PTPRD: variants seen among roughly 807,000 people sequenced by gnomAD.
PTPRD encodes protein tyrosine phosphatase receptor type D, also known as receptor-type tyrosine-protein phosphatase delta.
In PTPRD, 34 loss-of-function variants were observed where a neutral mutation model predicts 214.5. That is an observed-to-expected ratio of 0.16 (90% CI 0.12 to 0.21). The LOEUF is 0.21. Ranked by LOEUF, PTPRD falls within the 10% of genes least tolerant of loss-of-function variation. PTPRD has a pLI of 1.00. For missense variants in PTPRD, 2,545 were observed against 2,398.7 expected, an observed-to-expected ratio of 1.06 and a Z score of -1.27; for synonymous variants, 1,128 against 845.7, an observed-to-expected ratio of 1.33 and a Z score of -5.79.
At chr9:10,092,293 A>G (rs927304755) in intron 3 of PTPRD, among the ~76,000 whole-genome samples, 1 of 150,868 alleles carries the variant, frequency 6.6e-6, no homozygotes, top group African/African-American at 2.4e-5. Context: ...TTATTCCTTA[A>G]TAAATTTTAG....
intron 44 of PTPRD, 139 bp downstream of exon 44, chr9:8,331,443 G>T (rs935516943): frequency 1.0e-6 from 1 of 985,292 alleles, no homozygotes; most frequent in Non-Finnish European, 1.4e-6. Context: ...AAAAGAAAGA[G>T]AAATCAATCC....
At chr9:8,681,473 T>C (rs1461737731) in intron 12 of PTPRD, among the ~76,000 whole-genome samples, 1 of 152,224 alleles carries the variant, frequency 6.6e-6, no homozygotes, top group East Asian at 1.9e-4. Context: ...GAGATAATTC[T>C]GTTATTCCCA....
At chr9:9,196,185 A>G (rs2099938505) in intron 9 of PTPRD, among the ~76,000 whole-genome samples, 1 of 152,174 alleles carries the variant, frequency 6.6e-6, no homozygotes, top group South Asian at 2.1e-4. Flanking sequence ...TGTGAAACTC[A>G]CACGATCCAA....
At chr9:8,965,211 C>A (rs545664996) in intron 11 of PTPRD, among the ~76,000 whole-genome samples, 1 of 152,052 alleles carries the variant, frequency 6.6e-6, no homozygotes, top group South Asian at 2.1e-4. Context: ...AACCCCTTCT[C>A]TACTAAAAGC....
At chr9:8,456,020 T>C (rs1323591) in intron 33 of PTPRD, among the ~76,000 whole-genome samples, 115,807 of 152,218 alleles carry the variant, frequency 0.76, 44,883 homozygotes, top group East Asian at 0.97. Flanking sequence ...GAGGATTTTA[T>C]TGCAACTCTT....
intron 3 of PTPRD, among the ~76,000 whole-genome samples, chr9:10,165,936 C>A (rs1438268631): frequency 1.3e-5 from 2 of 150,384 alleles, no homozygotes. Flanking sequence ...CAGACATAAT[C>A]TATGTTTTAT....
chr9:9,943,524 C>A (rs749732581), intron 4 of PTPRD, among the ~76,000 whole-genome samples: 2 of 152,088 alleles, frequency 1.3e-5, no homozygotes, highest in African/African-American at 2.4e-5. Context: ...CTTCATGGAA[C>A]ATATCTTCTA....
chr9:10,412,646 ACACAC>A, intron 2 of PTPRD, among the ~76,000 whole-genome samples: 1 of 150,340 alleles, frequency 6.7e-6, no homozygotes, highest in South Asian at 2.1e-4. Flanking sequence ...ACACACACAC[ACACAC>A]ACACACACAC....
intron 9 of PTPRD, among the ~76,000 whole-genome samples, chr9:9,335,693 C>G (rs990425119): frequency 2.0e-5 from 3 of 151,822 alleles, no homozygotes; most frequent in African/African-American, 4.8e-5. Flanking sequence ...TTTTTTATTC[C>G]TTTCTCATTC....
intron 3 of PTPRD, among the ~76,000 whole-genome samples, chr9:10,112,767 G>A (rs1436866267): frequency 6.6e-6 from 1 of 152,186 alleles, no homozygotes; most frequent in African/African-American, 2.4e-5. Flanking sequence ...TAGGAAGAAC[G>A]AGAACAATGA....
At chr9:8,576,535 G>A (rs1408801031) in intron 14 of PTPRD, among the ~76,000 whole-genome samples, 1 of 147,024 alleles carries the variant, frequency 6.8e-6, no homozygotes, top group African/African-American at 2.5e-5. Context: ...AATAATTAGA[G>A]TTATGTGTAG....
chr9:8,368,676 CTTTTT>C (rs199556434), intron 39 of PTPRD, among the ~76,000 whole-genome samples: 24 of 117,298 alleles, frequency 2.0e-4, no homozygotes, highest in Admixed American at 3.5e-4. Context: ...CCTTTTAATG[CTTTTT>C]TTTTTTTTTT....
At chr9:10,358,664 G>C (rs1054018128) in intron 2 of PTPRD, among the ~76,000 whole-genome samples, 5 of 151,786 alleles carry the variant, frequency 3.3e-5, no homozygotes, top group African/African-American at 1.2e-4. Flanking sequence ...TATTAGCTCA[G>C]TATACACCAT....
chr9:9,805,568 A>G (rs2099067836), intron 5 of PTPRD, among the ~76,000 whole-genome samples: 1 of 152,216 alleles, frequency 6.6e-6, no homozygotes, highest in South Asian at 2.1e-4. Flanking sequence ...TTGAATATTT[A>G]AAGCTTTTCT....
chr9:9,804,725 C>A (rs556145998), intron 5 of PTPRD, among the ~76,000 whole-genome samples: 3 of 151,872 alleles, frequency 2.0e-5, no homozygotes, highest in African/African-American at 4.8e-5. Flanking sequence ...AAGCTTACTT[C>A]TTTAGCATAC....
At chr9:9,842,298 A>ATTT (rs138386194) in intron 5 of PTPRD, among the ~76,000 whole-genome samples, 33,027 of 91,172 alleles carry the variant, frequency 0.36, 7,482 homozygotes, top group Non-Finnish European at 0.5. Context: ...GAAGGAGAGC[A>ATTT]TTTTTTTTTT....
At chr9:9,692,462 G>C (rs2486458) in intron 7 of PTPRD, among the ~76,000 whole-genome samples, 150,210 of 151,998 alleles carry the variant, frequency 0.99, 74,248 homozygotes, top group Middle Eastern at 1. Flanking sequence ...TTTCTGGGTT[G>C]TCTATTCTAT....
At chr9:9,746,395 A>C (rs1241879295) in intron 6 of PTPRD, among the ~76,000 whole-genome samples, 1 of 152,160 alleles carries the variant, frequency 6.6e-6, no homozygotes, top group Non-Finnish European at 1.5e-5. Context: ...AACATATCTA[A>C]AAATCTATCA....
At chr9:8,712,105 T>C (rs932626270) in intron 12 of PTPRD, among the ~76,000 whole-genome samples, 2 of 152,140 alleles carry the variant, frequency 1.3e-5, no homozygotes, top group Admixed American at 1.3e-4. Flanking sequence ...TTTTTTTAAA[T>C]CGACCAAGAA....
Sources: gnomAD v4.1 joint callset for allele counts (sites outside exome capture counted in the v4.1 genomes callset) on GRCh38, gnomAD v4.1.1 for gene constraint, MANE v1.5 for transcripts, NCBI Gene and HGNC (gene_info 2026-07-23, HGNC 2026-07-21) for gene names.